The following KDM4C variants were observed in gnomAD, a reference collection of about 807,000 sequenced individuals.
KDM4C encodes the protein lysine-specific demethylase 4C.
A neutral mutation model predicts 129.3 loss-of-function variants in KDM4C; 81 were observed. That is an observed-to-expected ratio of 0.63 (90% CI 0.52 to 0.75). The LOEUF (loss-of-function observed/expected upper bound fraction) is 0.75. Ranked by LOEUF, KDM4C falls within the 30% of genes least tolerant of loss-of-function variation. The pLI, the probability that KDM4C is intolerant of heterozygous loss-of-function variation, is 0.00. For missense variants in KDM4C, 1,457 were observed against 1,304.0 expected (o/e 1.12, Z -1.81); for synonymous variants, 573 against 456.1 (o/e 1.26, Z -3.26).
chr9:6,926,480 A>G (rs1022023673), intron 8 of KDM4C, among the ~76,000 whole-genome samples: 1 of 152,038 alleles, frequency 6.6e-6, no homozygotes, highest in African/African-American at 2.4e-5. Flanking sequence ...TTCTTTTTGC[A>G]TAATTAAAAT....
chr9:6,993,804 G>T (rs545633689), intron 12 of KDM4C, among the ~76,000 whole-genome samples: 1 of 152,308 alleles, frequency 6.6e-6, no homozygotes, highest in African/African-American at 2.4e-5. Context: ...CTGCTCAGAA[G>T]CTCTCAGGTT....
intron 8 of KDM4C, among the ~76,000 whole-genome samples, chr9:6,950,076 TG>T (rs1313630636): frequency 1.5e-5 from 1 of 68,438 alleles, no homozygotes; most frequent in African/African-American, 6.1e-5. Context: ...TATCTTTTCT[TG>T]TTTTTTTTTT....
At position 7,170,692 on chromosome 9, in the gene KDM4C, C is replaced by G. The variant is rs116295114; in HGVS notation, c.2994+802C>G. On this transcript the variant is annotated intron_variant, in intron 21 of 21. Coordinates refer to ENST00000381309, the MANE Select transcript of KDM4C (RefSeq NM_015061.6). ...AGAAATTTGAATGGATGGGGTTTTT[C>G]TGACTAAAATGAAATTTTTTTTCTG... The G allele has an allele frequency of 6.1e-6, 6 of 975,622 alleles. No homozygotes were observed. In the Admixed American group the frequency reaches 3.1e-4, roughly 50 times the overall value. The allele number at this position is 975,622 out of a possible 1,614,324, so 60.4% of individuals were successfully genotyped here.
chr9:6,890,286 A>G (rs1284939920), intron 7 of KDM4C, among the ~76,000 whole-genome samples: 1 of 152,218 alleles, frequency 6.6e-6, no homozygotes, highest in Non-Finnish European at 1.5e-5. Context: ...AATGGGATAA[A>G]AATAGTGACT....
intron 18 of KDM4C, among the ~76,000 whole-genome samples, chr9:7,120,468 T>G (rs1198966254): frequency 1.3e-5 from 2 of 152,180 alleles, no homozygotes; most frequent in Non-Finnish European, 2.9e-5. Context: ...CAATTGGATC[T>G]TATTATTAGT....
chr9:6,929,044 A>G (rs1323945857), intron 8 of KDM4C, among the ~76,000 whole-genome samples: 2 of 152,186 alleles, frequency 1.3e-5, no homozygotes, highest in African/African-American at 2.4e-5. Flanking sequence ...GTTGCCAGGA[A>G]TATCTTCTTT....
chr9:6,725,680 T>G (rs576085968), intron 1 of KDM4C, among the ~76,000 whole-genome samples: 121 of 136,622 alleles, frequency 8.9e-4, no homozygotes, highest in Middle Eastern at 4.6e-3. Flanking sequence ...TAGTAGAGAT[T>G]GGGTTTCTTT....
chr9:7,055,179 A>C (rs1381981526), intron 17 of KDM4C, among the ~76,000 whole-genome samples: 6 of 152,222 alleles, frequency 3.9e-5, no homozygotes, highest in African/African-American at 1.4e-4. Context: ...TACGTCTCAA[A>C]AAACAAACAA....
At chr9:6,869,971 A>C (rs1020498427) in intron 5 of KDM4C, among the ~76,000 whole-genome samples, 3 of 152,246 alleles carry the variant, frequency 2.0e-5, no homozygotes, top group Non-Finnish European at 4.4e-5. Flanking sequence ...TGTTAGCACC[A>C]TAAGTAATGT....
At chr9:6,901,704 G>A (rs1817438948) in intron 8 of KDM4C, among the ~76,000 whole-genome samples, 1 of 152,144 alleles carries the variant, frequency 6.6e-6, no homozygotes, top group African/African-American at 2.4e-5. Context: ...CTGTGGAGAA[G>A]AAAGAAAAAG....
intron 2 of KDM4C, among the ~76,000 whole-genome samples, chr9:6,803,040 C>G (rs1166056568): frequency 6.6e-6 from 1 of 152,166 alleles, no homozygotes; most frequent in Non-Finnish European, 1.5e-5. Context: ...AAGCATAAAA[C>G]TAAAGCCCAG....
intron 12 of KDM4C, among the ~76,000 whole-genome samples, chr9:7,004,767 C>T (rs971615692): frequency 3.9e-5 from 6 of 152,106 alleles, no homozygotes; most frequent in East Asian, 3.9e-4. Flanking sequence ...GATAACTTGG[C>T]GTCTGTCTAG....
At chr9:6,779,268 G>A (rs900504269) in intron 1 of KDM4C, among the ~76,000 whole-genome samples, 1 of 148,270 alleles carries the variant, frequency 6.7e-6, no homozygotes, top group South Asian at 2.2e-4. Flanking sequence ...TGCCCACCTC[G>A]GCCTCCCAGA....
intron 8 of KDM4C, among the ~76,000 whole-genome samples, chr9:6,968,312 A>T (rs973137987): frequency 6.6e-6 from 1 of 152,130 alleles, no homozygotes; most frequent in African/African-American, 2.4e-5. Context: ...CCCTGTCTCT[A>T]CAAAAGTTAT....
chr9:6,990,633 C>A (rs146647165), intron 12 of KDM4C, 109 bp downstream of exon 12: 1 of 675,164 alleles, frequency 1.5e-6, no homozygotes, highest in Non-Finnish European at 2.6e-6. Flanking sequence ...GTAGCAAATA[C>A]GTACTATTAG....
At chr9:6,734,498 T>C (rs1439524703) in intron 1 of KDM4C, 1 of 169,004 alleles carries the variant, frequency 5.9e-6, no homozygotes, top group Non-Finnish European at 1.2e-5. Flanking sequence ...TTCTCCATGT[T>C]GGCCAGGCTG....
At chr9:7,070,011 G>C (rs1832976057) in intron 17 of KDM4C, among the ~76,000 whole-genome samples, 1 of 152,098 alleles carries the variant, frequency 6.6e-6, no homozygotes, top group Admixed American at 6.5e-5. Context: ...GGAGATAAAT[G>C]AAATAAAAAT....
chr9:6,770,871 G>C (rs1218722519), intron 1 of KDM4C, among the ~76,000 whole-genome samples: 1 of 149,184 alleles, frequency 6.7e-6, no homozygotes, highest in African/African-American at 2.5e-5. Flanking sequence ...TGCCTCCCCG[G>C]TTCAAGTGAT....
chr9:6,975,623 C>T (rs2792232), intron 8 of KDM4C, among the ~76,000 whole-genome samples: 101,465 of 152,132 alleles, frequency 0.67, 34,615 homozygotes, highest in Middle Eastern at 0.76. Flanking sequence ...TCTCTAGGCA[C>T]CTAGAATATA....
Sources: gnomAD v4.1 joint callset for allele counts (sites outside exome capture counted in the v4.1 genomes callset) on GRCh38, gnomAD v4.1.1 for gene constraint, MANE v1.5 for transcripts, NCBI Gene and HGNC (gene_info 2026-07-23, HGNC 2026-07-21) for gene names.